EBF2: variants seen among roughly 807,000 people sequenced by gnomAD.
EBF2 encodes EBF transcription factor 2.
In EBF2, 21 loss-of-function variants were observed where a neutral mutation model predicts 72.8. The ratio of observed to expected loss-of-function variants is 0.29; its 90% CI spans 0.20 to 0.42. The LOEUF (loss-of-function observed/expected upper bound fraction) is 0.42, where lower values mean the gene tolerates loss of function less well. Ranked by LOEUF, EBF2 falls within the 10% of genes least tolerant of loss-of-function variation. The pLI, the probability that EBF2 is intolerant of heterozygous loss-of-function variation, is 1.00. For missense variants in EBF2, 637 were observed against 731.2 expected (o/e 0.87, Z 1.49); for synonymous variants, 299 against 274.2 (o/e 1.09, Z -0.89).
chr8:26,000,191 C>T (rs1269755500), intron 6 of EBF2, among the ~76,000 whole-genome samples: 1 of 152,166 alleles, frequency 6.6e-6, no homozygotes, highest in Non-Finnish European at 1.5e-5. Flanking sequence ...GAGACCCAGC[C>T]TTCTGTTTGG....
At chr8:25,871,854 T>C (rs1802443854) in intron 10 of EBF2, among the ~76,000 whole-genome samples, 2 of 152,132 alleles carry the variant, frequency 1.3e-5, no homozygotes, top group African/African-American at 2.4e-5. Context: ...ATTACTTACA[T>C]ATATCTTGGA....
intron 10 of EBF2, among the ~76,000 whole-genome samples, chr8:25,877,814 C>T (rs56184717): frequency 0.2 from 30,143 of 152,090 alleles, 6,496 homozygotes; most frequent in African/African-American, 0.53. Context: ...AACCCTCCCA[C>T]GGGTGGAGTG....
chr8:25,851,314 T>G (rs1585256958), intron 14 of EBF2, among the ~76,000 whole-genome samples: 1 of 149,260 alleles, frequency 6.7e-6, no homozygotes, highest in African/African-American at 2.4e-5. Context: ...GTATTAACAT[T>G]CAGAAAACCG....
chr8:25,999,570 T>A (rs7846046), intron 6 of EBF2, among the ~76,000 whole-genome samples: 26 of 152,170 alleles, frequency 1.7e-4, no homozygotes, highest in African/African-American at 6.0e-4. Context: ...GGTTTTTAAT[T>A]TCCTTCTGCA....
At chr8:25,970,653 T>C (rs2117188296) in intron 6 of EBF2, among the ~76,000 whole-genome samples, 1 of 152,300 alleles carries the variant, frequency 6.6e-6, no homozygotes, top group African/African-American at 2.4e-5. Flanking sequence ...GTCAGAAGGA[T>C]GCAGCCTGCA....
intron 10 of EBF2, among the ~76,000 whole-genome samples, chr8:25,869,245 T>A (rs1043391125): frequency 1.3e-5 from 2 of 152,182 alleles, no homozygotes; most frequent in Admixed American, 1.3e-4. Context: ...ACAACTGCTC[T>A]GGATATAGAA....
chr8:25,843,114 C>T lies in EBF2; in HGVS notation c.*1495G>A, dbSNP rs1247613796. 4 of 152,176 alleles carry T rather than the reference C, an allele frequency of 2.6e-5. No individual in the cohort carries two copies. The highest frequency in any genetic ancestry group is 1.3e-4 in the Admixed American group (2 of 15,268). The allele number at this position is 152,176 out of a possible 1,614,324, so 9.4% of individuals were successfully genotyped here. A position where few individuals can be genotyped will look rare whatever the true frequency, so the allele number is the denominator to read the frequency against. Reference sequence around the variant, plus strand: ...TCCCCTCTAAGAGCTAGTCACAAAACGATGAAGAGCCCATCAAAGGGCTGG... The same window carrying T: ...TCCCCTCTAAGAGCTAGTCACAAAATGATGAAGAGCCCATCAAAGGGCTGG... On this transcript the variant is annotated 3_prime_UTR_variant, in exon 16 of 16. Transcript: ENST00000520164.
intron 10 of EBF2, among the ~76,000 whole-genome samples, chr8:25,870,049 G>A (rs899182650): frequency 6.6e-6 from 1 of 152,010 alleles, no homozygotes; most frequent in Non-Finnish European, 1.5e-5. Context: ...AGATGCAAGA[G>A]CATGATGGGC....
chr8:25,990,390 T>C (rs1318556946), intron 6 of EBF2, among the ~76,000 whole-genome samples: 1 of 152,220 alleles, frequency 6.6e-6, no homozygotes, highest in Non-Finnish European at 1.5e-5. Flanking sequence ...AAATGAGCAA[T>C]GTTCAGTATA....
chr8:25,981,731 G>T (rs1804364399), intron 6 of EBF2, among the ~76,000 whole-genome samples: 2 of 151,524 alleles, frequency 1.3e-5, no homozygotes, highest in Admixed American at 1.3e-4. Context: ...GGGAGGCAGA[G>T]GTTGCAGTGA....
At position 26,008,497 on chromosome 8, in the gene EBF2, A is replaced by T. The variant is rs183482725; in HGVS notation, c.551+24588T>A. Among the ~76,000 whole-genome samples, 48 of 152,202 alleles carry T rather than the reference A, an allele frequency of 3.2e-4. 1 individual carries two copies. Among genetic ancestry groups the T allele is most frequent in the Non-Finnish European group, 8.8e-5 (6 of 68,008 alleles). On this transcript the variant is annotated intron_variant, in intron 6 of 15. Coordinates refer to ENST00000520164, the MANE Select transcript of EBF2 (RefSeq NM_022659.4). ...GCCACAGAGACACACAGTGGTTGGA[A>T]CCCAAGGACTCCAAGATGTATTCAG...
At chr8:25,962,523 T>G (rs1022511097) in intron 6 of EBF2, among the ~76,000 whole-genome samples, 1 of 151,182 alleles carries the variant, frequency 6.6e-6, no homozygotes, top group Non-Finnish European at 1.5e-5. Context: ...CTTTCTTGGA[T>G]CCACACAGCC....
chr8:25,943,585 T>C (rs1180793726), intron 6 of EBF2, among the ~76,000 whole-genome samples: 3 of 152,136 alleles, frequency 2.0e-5, no homozygotes, highest in Non-Finnish European at 2.9e-5. Flanking sequence ...CTTTTCTCTA[T>C]ACCACCCTGC....
intron 15 of EBF2, among the ~76,000 whole-genome samples, chr8:25,846,747 G>T (rs1671071508): frequency 6.6e-6 from 1 of 152,104 alleles, no homozygotes; most frequent in Non-Finnish European, 1.5e-5. Flanking sequence ...TACCAAAGGG[G>T]CTCATGTAAC....
intron 6 of EBF2, among the ~76,000 whole-genome samples, chr8:25,950,939 T>C (rs1331057568): frequency 6.6e-6 from 1 of 152,136 alleles, no homozygotes; most frequent in Non-Finnish European, 1.5e-5. Context: ...AAAGGGCTTC[T>C]CCTCCTCCTT....
chr8:25,955,079 A>T (rs1803923957), intron 6 of EBF2, among the ~76,000 whole-genome samples: 1 of 152,226 alleles, frequency 6.6e-6, no homozygotes, highest in South Asian at 2.1e-4. Flanking sequence ...GCGCATCCCC[A>T]GAACAGTGTG....
intron 6 of EBF2, among the ~76,000 whole-genome samples, chr8:25,927,491 G>C (rs2117141477): frequency 6.6e-6 from 1 of 151,862 alleles, no homozygotes; most frequent in South Asian, 2.1e-4. Context: ...AGGACCAACA[G>C]GAAATTTCCA....
Position 26,045,082 on chromosome 8 carries a change from A to G in EBF2, c.-223T>C, listed in dbSNP as rs916421911. 1.1e-5 allele frequency: 5 copies of G among 464,452 alleles called. No homozygotes were observed. Among genetic ancestry groups the G allele is most frequent in the African/African-American group, 5.8e-5 (3 of 51,482 alleles). 28.8% of individuals were successfully genotyped at this position (464,452 alleles called of 1,614,324 possible). A position where few individuals can be genotyped will look rare whatever the true frequency, so the allele number is the denominator to read the frequency against. On this transcript the variant is annotated 5_prime_UTR_variant, in exon 1 of 16. Transcript: ENST00000520164. ...AAAGTTTGGGTTCTTATCCTCCGCA[A>G]GTTCAGATCTGCCGCCTCAGCCACT...
chr8:25,874,799 C>G (rs944272995), intron 10 of EBF2, among the ~76,000 whole-genome samples: 3 of 151,760 alleles, frequency 2.0e-5, no homozygotes, highest in African/African-American at 7.3e-5. Flanking sequence ...GTTTCTCCCA[C>G]CTTGGGCTCC....
Sources: allele counts gnomAD v4.1 joint callset (sites outside exome capture counted in the v4.1 genomes callset), GRCh38; gene constraint gnomAD v4.1.1; transcripts MANE v1.5; gene names NCBI Gene and HGNC (gene_info 2026-07-23, HGNC 2026-07-21).